The following PRKAA2 variants were observed in gnomAD, a reference collection of about 807,000 sequenced individuals.
The protein encoded by PRKAA2 is protein kinase AMP-activated catalytic subunit alpha 2, also known as 5'-AMP-activated protein kinase catalytic subunit alpha-2.
PRKAA2 carries 40 observed loss-of-function variants against 56.3 expected under a neutral mutation model. That is an observed-to-expected ratio of 0.71 (90% confidence interval 0.55 to 0.92). PRKAA2 has a LOEUF of 0.92. Among genes scored for constraint, PRKAA2 ranks in the 40% least tolerant of loss-of-function variants. The pLI, the probability that PRKAA2 is intolerant of heterozygous loss-of-function variation, is 0.00. For missense variants in PRKAA2, 542 were observed against 686.9 expected (o/e 0.79, Z 2.36); for synonymous variants, 214 against 234.2 (o/e 0.91, Z 0.79).
chr1:56,706,254 T>C, intron 8 of PRKAA2, 36 bp downstream of exon 8: 2 of 1,595,730 alleles, frequency 1.3e-6, no homozygotes, highest in Non-Finnish European at 8.5e-7. Context: ...TCTGAGAAGA[T>C]AAAACTTGGC....
chr1:56,670,096 TA>T (rs975178576), intron 1 of PRKAA2, among the ~76,000 whole-genome samples: 2 of 152,234 alleles, frequency 1.3e-5, no homozygotes, highest in African/African-American at 4.8e-5. Context: ...TAGAGCTCTT[TA>T]ACTTTTTAAT....
chr1:56,674,188 A>C (rs1644097180), intron 1 of PRKAA2, among the ~76,000 whole-genome samples, 193 bp from the exon 2 acceptor site: 1 of 152,172 alleles, frequency 6.6e-6, no homozygotes, highest in Admixed American at 6.5e-5. Context: ...GATGACTAAG[A>C]TACAGTTTCT....
rs138222206 is a variant in PRKAA2, at chr1:56,696,508, C to G, written c.788+349C>G. Reference sequence around the variant, plus strand: ...CATGCTTTTATTATTTAATCCTCATCCTGTATCTAGTTATTTCTCAGTGTG... The same window carrying G: ...CATGCTTTTATTATTTAATCCTCATGCTGTATCTAGTTATTTCTCAGTGTG... On this transcript the variant is annotated intron_variant, in intron 6 of 8. Coordinates refer to ENST00000371244, the MANE Select transcript of PRKAA2 (RefSeq NM_006252.4). 4.5e-4 allele frequency among the ~76,000 whole-genome samples: 68 copies of G among 152,176 alleles called. No homozygotes were observed. The East Asian group carries it at 9.7e-3, about 22-fold the overall frequency.
intron 2 of PRKAA2, among the ~76,000 whole-genome samples, chr1:56,678,902 G>T (rs1644133661): frequency 6.6e-6 from 1 of 152,070 alleles, no homozygotes; most frequent in South Asian, 2.1e-4. Flanking sequence ...CACCATGTTG[G>T]CCAGGATGGC....
chr1:56,660,570 T>C (rs1031670745), intron 1 of PRKAA2, among the ~76,000 whole-genome samples: 8 of 152,176 alleles, frequency 5.3e-5, no homozygotes, highest in African/African-American at 1.9e-4. Context: ...CACTGTGACC[T>C]CATTTCTCAA....
intron 1 of PRKAA2, among the ~76,000 whole-genome samples, chr1:56,657,972 C>T (rs569976635): frequency 7.9e-5 from 12 of 151,940 alleles, no homozygotes; most frequent in East Asian, 7.8e-4. Context: ...TAATATCTTG[C>T]GAGACTGAGA....
intron 5 of PRKAA2, among the ~76,000 whole-genome samples, chr1:56,694,873 A>G (rs1257355736): frequency 6.6e-6 from 1 of 152,176 alleles, no homozygotes; most frequent in Non-Finnish European, 1.5e-5. Context: ...ACCATTTTTT[A>G]TATAAACAGA....
intron 1 of PRKAA2, among the ~76,000 whole-genome samples, chr1:56,661,532 G>A (rs572325582): frequency 2.0e-5 from 3 of 152,050 alleles, no homozygotes; most frequent in Non-Finnish European, 4.4e-5. Flanking sequence ...TTGCTATATA[G>A]TATTGCATTA....
At chr1:56,678,600 G>T (rs1389661844) in intron 2 of PRKAA2, among the ~76,000 whole-genome samples, 1 of 151,536 alleles carries the variant, frequency 6.6e-6, no homozygotes, top group Non-Finnish European at 1.5e-5. Flanking sequence ...ATTGATTTTT[G>T]TCCTTTTTTT....
At position 56,706,340 on chromosome 1, in the gene PRKAA2, G is replaced by T; in HGVS notation, c.1420+122G>T. Reference sequence around the variant, plus strand: ...CCTGCACTGGTTTTTAAGCAATCTAGACTTAACCAAAATGTAAGTGAAGTG... The same window carrying T: ...CCTGCACTGGTTTTTAAGCAATCTATACTTAACCAAAATGTAAGTGAAGTG... On this transcript the variant is annotated intron_variant, in intron 8 of 8. Coordinates refer to ENST00000371244, the MANE Select transcript of PRKAA2 (RefSeq NM_006252.4). 4.6e-6 allele frequency: 5 copies of T among 1,084,230 alleles called. No homozygotes were observed. In the South Asian group the frequency reaches 1.0e-4, roughly 22 times the overall value. The allele number at this position is 1,084,230 out of a possible 1,614,324, so 67.2% of individuals were successfully genotyped here. A position where few individuals can be genotyped will look rare whatever the true frequency, so the allele number is the denominator to read the frequency against.
rs184148290 is a variant in PRKAA2 at position 56,674,266 on chromosome 1, G to A, written c.95-115G>A. The A allele has an allele frequency of 2.6e-4, 214 of 813,430 alleles. No individual in the cohort carries two copies. In the African/African-American group the frequency reaches 3.0e-3, roughly 11 times the overall value. The allele number at this position is 813,430 out of a possible 1,614,324, so 50.4% of individuals were successfully genotyped here. A position where few individuals can be genotyped will look rare whatever the true frequency, so the allele number is the denominator to read the frequency against. ...AAAGAACTGTAGTTTTGTACAACAA[G>A]GGATATAAAGATGGTATATATGAGT... On this transcript the variant is annotated intron_variant, in intron 1 of 8. Transcript: ENST00000371244.
rs189341935 is a variant in PRKAA2, at chr1:56,713,615, G to A, written c.*5902G>A. On this transcript the variant is annotated 3_prime_UTR_variant, in exon 9 of 9. Transcript: ENST00000371244. The stretch of plus-strand genomic sequence containing the variant: ...AGAATTTTGACAAGGTTCATACAGT[G>A]CATACAGTGTGACCTTTTCTGAGGT... 2 of 152,162 alleles carry A rather than the reference G, an allele frequency of 1.3e-5. No individual in the cohort carries two copies. Among genetic ancestry groups the A allele is most frequent in the East Asian group, 1.9e-4 (1 of 5,172 alleles). 9.4% of individuals were successfully genotyped at this position (152,162 alleles called of 1,614,324 possible).
intron 5 of PRKAA2, 111 bp downstream of exon 5, chr1:56,693,963 T>C: frequency 1.4e-6 from 1 of 695,162 alleles, no homozygotes; most frequent in South Asian, 3.3e-5. Context: ...AGAAATGGAT[T>C]ATTCATTTAT....
intron 7 of PRKAA2, among the ~76,000 whole-genome samples, 165 bp downstream of exon 7, chr1:56,704,640 A>T (rs764793792): frequency 2.0e-5 from 3 of 152,226 alleles, no homozygotes; most frequent in Non-Finnish European, 4.4e-5. Flanking sequence ...AGTGGTTGAT[A>T]CTGGGAACCA....
chr1:56,658,956 G>A (rs968606871), intron 1 of PRKAA2, among the ~76,000 whole-genome samples: 1 of 150,900 alleles, frequency 6.6e-6, no homozygotes, highest in Non-Finnish European at 1.5e-5. Flanking sequence ...CACCATGCCC[G>A]GCTAATTTTT....
At chr1:56,684,604 T>C (rs767463642) in intron 2 of PRKAA2, among the ~76,000 whole-genome samples, 3 of 152,044 alleles carry the variant, frequency 2.0e-5, no homozygotes, top group Non-Finnish European at 4.4e-5. Context: ...GAGAAGAAAG[T>C]GTTTTAGGAA....
intron 2 of PRKAA2, among the ~76,000 whole-genome samples, chr1:56,685,864 A>G (rs1366165070): frequency 6.6e-6 from 1 of 152,190 alleles, no homozygotes; most frequent in Non-Finnish European, 1.5e-5. Context: ...ATTACAATAT[A>G]TTGATTGTGT....
At chr1:56,655,757 T>A (rs1159748470) in intron 1 of PRKAA2, among the ~76,000 whole-genome samples, 4 of 151,954 alleles carry the variant, frequency 2.6e-5, no homozygotes, top group African/African-American at 9.7e-5. Flanking sequence ...ACAGTTGGAG[T>A]TCGCAGTTTA....
At chr1:56,670,105 A>C (rs922959627) in intron 1 of PRKAA2, among the ~76,000 whole-genome samples, 1 of 152,250 alleles carries the variant, frequency 6.6e-6, no homozygotes, top group East Asian at 1.9e-4. Context: ...TTAACTTTTT[A>C]ATCCAAAAAA....
Sources: allele counts gnomAD v4.1 joint callset (sites outside exome capture counted in the v4.1 genomes callset), GRCh38; gene constraint gnomAD v4.1.1; transcripts MANE v1.5; gene names NCBI Gene and HGNC (gene_info 2026-07-23, HGNC 2026-07-21).